Variants in MSRB3 observed in about 807,000 individuals in gnomAD.
The protein encoded by MSRB3 is methionine sulfoxide reductase B3.
MSRB3 carries 13 observed loss-of-function variants against 21.0 expected under a neutral mutation model. That is an observed-to-expected ratio of 0.62 (90% CI 0.40 to 0.98). The LOEUF is 0.98. Ranked by LOEUF, MSRB3 falls within the 50% of genes least tolerant of loss-of-function variation. The pLI is 0.00. For missense variants in MSRB3, 199 were observed against 230.3 expected, an observed-to-expected ratio of 0.86 and a Z score of 0.88; for synonymous variants, 87 against 88.6, an observed-to-expected ratio of 0.98 and a Z score of 0.10.
At chr12:65,418,856 T>C in intron 5 of MSRB3, 2 of 791,020 alleles carry the variant, frequency 2.5e-6, no homozygotes, top group East Asian at 4.9e-5. Context: ...AAGTCCTTGA[T>C]GTCTTCTGGC....
chr12:65,423,699 G>A (rs1881438274), intron 5 of MSRB3, among the ~76,000 whole-genome samples: 1 of 152,146 alleles, frequency 6.6e-6, no homozygotes, highest in Non-Finnish European at 1.5e-5. Flanking sequence ...ACTTGGTCAT[G>A]ATGAATCATT....
Position 65,463,871 on chromosome 12 carries a change from T to C in MSRB3, c.*549T>C, listed in dbSNP as rs1883447205. On this transcript the variant is annotated 3_prime_UTR_variant, in exon 7 of 7. Coordinates refer to ENST00000308259, the MANE Select transcript of MSRB3 (RefSeq NM_001031679.3). ...ACTGAAAGGGTGTGAAGGTCTAAAG[T>C]CTTTCCTTATGTTAAATTGTTGCCA... 1 of 155,576 alleles carries C rather than the reference T, an allele frequency of 6.4e-6. No homozygotes were observed. Among genetic ancestry groups the C allele is most frequent in the Non-Finnish European group, 1.4e-5 (1 of 70,334 alleles). The allele number at this position is 155,576 out of a possible 1,614,324, so 9.6% of individuals were successfully genotyped here.
intron 4 of MSRB3, among the ~76,000 whole-genome samples, chr12:65,337,432 A>C (rs1342998744): frequency 4.8e-4 from 2 of 4,142 alleles, no homozygotes; most frequent in Admixed American, 3.9e-3. Flanking sequence ...GACTACATCA[A>C]AAAAAAAAAA....
intron 5 of MSRB3, among the ~76,000 whole-genome samples, chr12:65,403,957 G>A (rs1411494478): frequency 3.9e-5 from 6 of 152,168 alleles, no homozygotes; most frequent in Admixed American, 3.3e-4. Context: ...CAGTCCCAGT[G>A]AGATGAGCCA....
intron 5 of MSRB3, among the ~76,000 whole-genome samples, chr12:65,400,894 G>C (rs1242309493): frequency 6.6e-6 from 1 of 152,184 alleles, no homozygotes; most frequent in Non-Finnish European, 1.5e-5. Context: ...GGAGCAGGTT[G>C]TTCAGTTTCC....
intron 5 of MSRB3, among the ~76,000 whole-genome samples, chr12:65,430,013 CT>C (rs1881801214): frequency 6.6e-6 from 1 of 152,118 alleles, no homozygotes; most frequent in Admixed American, 6.6e-5. Flanking sequence ...AGAAATTTTA[CT>C]ACATTTTTTT....
At chr12:65,290,876 T>C (rs1291515694) in intron 1 of MSRB3, among the ~76,000 whole-genome samples, 3 of 152,202 alleles carry the variant, frequency 2.0e-5, no homozygotes, top group African/African-American at 7.2e-5. Context: ...CAGAACTCCT[T>C]TTCAGTATGA....
intron 5 of MSRB3, among the ~76,000 whole-genome samples, chr12:65,446,988 C>A (rs1173037545): frequency 6.6e-6 from 1 of 152,116 alleles, no homozygotes; most frequent in Middle Eastern, 3.2e-3. Flanking sequence ...AGAAAACAAG[C>A]CTGGAAGACT....
At chr12:65,440,767 T>C (rs1283737991) in intron 5 of MSRB3, among the ~76,000 whole-genome samples, 3 of 151,952 alleles carry the variant, frequency 2.0e-5, no homozygotes, top group African/African-American at 7.2e-5. Context: ...AGAGGTGATG[T>C]TTATTACAAA....
chr12:65,426,800 CT>C (rs1565887084), intron 5 of MSRB3, among the ~76,000 whole-genome samples: 4 of 151,978 alleles, frequency 2.6e-5, no homozygotes, highest in African/African-American at 9.7e-5. Flanking sequence ...TTCATAGATT[CT>C]TTCTTCTGCT....
At chr12:65,409,165 C>CAT (rs71096039) in intron 5 of MSRB3, among the ~76,000 whole-genome samples, 70,834 of 150,894 alleles carry the variant, frequency 0.47, 17,166 homozygotes, top group African/African-American at 0.59. Flanking sequence ...TATCTATATA[C>CAT]GTGTGTGTGT....
chr12:65,440,605 G>A (rs1026715860), intron 5 of MSRB3, among the ~76,000 whole-genome samples: 70 of 151,956 alleles, frequency 4.6e-4, no homozygotes, highest in African/African-American at 1.6e-3. Context: ...CTATAATAGT[G>A]CTACAGTGCT....
chr12:65,290,484 G>T (rs1367814336), intron 1 of MSRB3, among the ~76,000 whole-genome samples: 1 of 152,134 alleles, frequency 6.6e-6, no homozygotes, highest in Non-Finnish European at 1.5e-5. Flanking sequence ...TGTTCAAATG[G>T]GTTCTACTGT....
At chr12:65,331,623 G>A (rs1276308898) in intron 4 of MSRB3, among the ~76,000 whole-genome samples, 1 of 152,230 alleles carries the variant, frequency 6.6e-6, no homozygotes, top group Non-Finnish European at 1.5e-5. Context: ...AACCATGTGA[G>A]CGGAGCGCCA....
At chr12:65,334,623 G>T (rs141521592) in intron 4 of MSRB3, among the ~76,000 whole-genome samples, 1 of 152,156 alleles carries the variant, frequency 6.6e-6, no homozygotes, top group Admixed American at 6.5e-5. Context: ...GTGTCTCAAT[G>T]TGGGAAGGGC....
At chr12:65,303,592 C>CCTGAACAT (rs1226096558) in intron 1 of MSRB3, among the ~76,000 whole-genome samples, 3 of 152,070 alleles carry the variant, frequency 2.0e-5, no homozygotes, top group Admixed American at 6.6e-5. Flanking sequence ...ATAGTCATAT[C>CCTGAACAT]CTGAACATAT....
At chr12:65,394,229 T>G (rs528869289) in intron 5 of MSRB3, among the ~76,000 whole-genome samples, 5 of 152,298 alleles carry the variant, frequency 3.3e-5, no homozygotes, top group Non-Finnish European at 5.9e-5. Context: ...GCTTGATATT[T>G]TAGAACTTCA....
chr12:65,332,617 C>T (rs1218137977), intron 4 of MSRB3, among the ~76,000 whole-genome samples: 1 of 152,022 alleles, frequency 6.6e-6, no homozygotes, highest in African/African-American at 2.4e-5. Flanking sequence ...CACATGTACC[C>T]CAGAACTTAA....
chr12:65,444,162 A>G (rs993805581), intron 5 of MSRB3, among the ~76,000 whole-genome samples: 25 of 152,150 alleles, frequency 1.6e-4, no homozygotes, highest in African/African-American at 5.8e-4. Context: ...ATGGCTTGGA[A>G]AGAAAGTACT....
Sources: gnomAD v4.1 joint callset for allele counts (sites outside exome capture counted in the v4.1 genomes callset) on GRCh38, gnomAD v4.1.1 for gene constraint, MANE v1.5 for transcripts, NCBI Gene and HGNC (gene_info 2026-07-23, HGNC 2026-07-21) for gene names.